The following KIAA1328 variants were observed in gnomAD, a reference collection of about 807,000 sequenced individuals.
The protein encoded by KIAA1328 is protein hinderin.
A neutral mutation model predicts 68.1 loss-of-function variants in KIAA1328; 52 were observed. That is an observed-to-expected ratio of 0.76 (90% CI 0.61 to 0.96). KIAA1328 has a LOEUF of 0.96. Ranked by LOEUF, KIAA1328 falls within the 40% of genes least tolerant of loss-of-function variation. The pLI is 0.00. For missense variants in KIAA1328, 641 were observed against 677.6 expected, an observed-to-expected ratio of 0.95 and a Z score of 0.60; for synonymous variants, 232 against 239.4, an observed-to-expected ratio of 0.97 and a Z score of 0.28.
At chr18:37,084,546 T>G (rs1286916659) in intron 7 of KIAA1328, 1 of 169,770 alleles carries the variant, frequency 5.9e-6, no homozygotes, top group East Asian at 1.5e-4. Flanking sequence ...ATACAGAATT[T>G]TATGTTACTT....
rs1312651019 is a variant in KIAA1328 at position 37,078,338 on chromosome 18, T to C, written c.1232+10793T>C. 1.3e-5 allele frequency among the ~76,000 whole-genome samples: 2 copies of C among 152,014 alleles called. 1 individual carries two copies. Among genetic ancestry groups the C allele is most frequent in the Non-Finnish European group, 2.9e-5 (2 of 67,952 alleles). On this transcript the variant is annotated intron_variant, in intron 7 of 9. Coordinates refer to ENST00000280020, the MANE Select transcript of KIAA1328 (RefSeq NM_020776.3). ...TATACAAAAATTAATTCAAGATGGATTAAAGACTTAAACGTTAGACCTAAA... is the reference window on the plus strand; with the variant it reads ...TATACAAAAATTAATTCAAGATGGACTAAAGACTTAAACGTTAGACCTAAA...
intron 5 of KIAA1328, among the ~76,000 whole-genome samples, chr18:36,946,668 T>C (rs1465752388): frequency 6.6e-6 from 1 of 152,204 alleles, no homozygotes; most frequent in African/African-American, 2.4e-5. Flanking sequence ...TTAATAATAG[T>C]ACATAATGGG....
intron 9 of KIAA1328, among the ~76,000 whole-genome samples, chr18:37,190,936 T>C (rs777936564): frequency 3.9e-5 from 6 of 152,222 alleles, no homozygotes; most frequent in Non-Finnish European, 8.8e-5. Context: ...CAAAGTGGGA[T>C]AGATAGTGAG....
At chr18:37,165,569 G>T (rs1375037497) in intron 8 of KIAA1328, among the ~76,000 whole-genome samples, 1 of 149,340 alleles carries the variant, frequency 6.7e-6, no homozygotes, top group Non-Finnish European at 1.5e-5. Flanking sequence ...ACAGGTGTGT[G>T]CCACCACACC....
At chr18:37,182,711 A>C (rs1301018329) in intron 9 of KIAA1328, among the ~76,000 whole-genome samples, 3 of 152,108 alleles carry the variant, frequency 2.0e-5, no homozygotes, top group Non-Finnish European at 4.4e-5. Context: ...TATATTTTTT[A>C]TATTGACCTT....
intron 7 of KIAA1328, among the ~76,000 whole-genome samples, chr18:37,106,964 C>G (rs1162286717): frequency 2.0e-5 from 3 of 152,156 alleles, no homozygotes; most frequent in Non-Finnish European, 4.4e-5. Flanking sequence ...GAATTCTTGG[C>G]CAGGTGCAGT....
At chr18:37,024,916 T>C (rs139755209) in intron 6 of KIAA1328, among the ~76,000 whole-genome samples, 4,811 of 152,244 alleles carry the variant, frequency 0.032, 271 homozygotes, top group African/African-American at 0.11. Flanking sequence ...CTGGGTCAAA[T>C]GGTATTCCTA....
chr18:36,900,820 C>T (rs2049012190), intron 5 of KIAA1328, among the ~76,000 whole-genome samples: 1 of 151,934 alleles, frequency 6.6e-6, no homozygotes, highest in South Asian at 2.1e-4. Context: ...ATCAGTAGGA[C>T]AGATGCTTGT....
At chr18:37,201,220 T>G (rs1213973372) in intron 9 of KIAA1328, among the ~76,000 whole-genome samples, 1 of 152,210 alleles carries the variant, frequency 6.6e-6, no homozygotes, top group African/African-American at 2.4e-5. Context: ...ATAACATTAG[T>G]AATTTGAATG....
At chr18:37,152,909 G>T (rs546176228) in intron 7 of KIAA1328, among the ~76,000 whole-genome samples, 4 of 152,204 alleles carry the variant, frequency 2.6e-5, no homozygotes, top group African/African-American at 9.6e-5. Flanking sequence ...GCTTGCACAG[G>T]TAAATGCTGG....
At chr18:37,200,903 C>T (rs1276900973) in intron 9 of KIAA1328, among the ~76,000 whole-genome samples, 2 of 151,686 alleles carry the variant, frequency 1.3e-5, no homozygotes, top group East Asian at 3.9e-4. Flanking sequence ...ACCCACAGTT[C>T]CCCCTTTTGA....
rs540998102 is a variant in KIAA1328, at chr18:37,083,221, G to A, written c.1232+15676G>A. ...CACTTTTCTCATAATTCCCTGATTTGGGCATTTTGCATCTACATTTACCTA... is the reference window on the plus strand; with the variant it reads ...CACTTTTCTCATAATTCCCTGATTTAGGCATTTTGCATCTACATTTACCTA... On this transcript the variant is annotated intron_variant, in intron 7 of 9. Transcript: ENST00000280020. Among the ~76,000 whole-genome samples, 5 of 152,124 alleles carry A rather than the reference G, an allele frequency of 3.3e-5. No homozygotes were observed. In the East Asian group the frequency reaches 7.7e-4, roughly 24 times the overall value.
At chr18:37,005,797 C>T (rs1414306706) in intron 6 of KIAA1328, among the ~76,000 whole-genome samples, 1 of 151,958 alleles carries the variant, frequency 6.6e-6, no homozygotes, top group African/African-American at 2.4e-5. Flanking sequence ...ATGTCATTTC[C>T]AGCAACATGG....
chr18:36,890,926 A>G (rs1317093155), intron 5 of KIAA1328, among the ~76,000 whole-genome samples: 2 of 152,204 alleles, frequency 1.3e-5, no homozygotes, highest in Non-Finnish European at 2.9e-5. Flanking sequence ...AATATGCAAA[A>G]TTAACTAATC....
At chr18:36,946,245 A>G (rs535367019) in intron 5 of KIAA1328, 3 of 152,230 alleles carry the variant, frequency 2.0e-5, no homozygotes, top group Non-Finnish European at 4.4e-5. Context: ...CAAAACAAAA[A>G]CAGTTGACCA....
chr18:37,108,129 C>G lies in KIAA1328; in HGVS notation c.1232+40584C>G, dbSNP rs182365485. On this transcript the variant is annotated intron_variant, in intron 7 of 9. Coordinates refer to ENST00000280020, the MANE Select transcript of KIAA1328 (RefSeq NM_020776.3). ...AAAGACATAGAATGAACCCAGGTACCTATCAGTGGTAGATTGGATAAAGAA... is the reference window on the plus strand; with the variant it reads ...AAAGACATAGAATGAACCCAGGTACGTATCAGTGGTAGATTGGATAAAGAA... Among the ~76,000 whole-genome samples, 256 of 152,254 alleles carry G rather than the reference C, an allele frequency of 1.7e-3. 1 individual carries two copies. The highest frequency in any genetic ancestry group is 5.1e-3 in the African/African-American group (213 of 41,566).
intron 7 of KIAA1328, among the ~76,000 whole-genome samples, chr18:37,072,129 T>A (rs575855513): frequency 1.3e-5 from 2 of 152,176 alleles, no homozygotes; most frequent in Non-Finnish European, 2.9e-5. Flanking sequence ...TCCTTTCTGA[T>A]GTTCCAAGAT....
intron 9 of KIAA1328, 141 bp downstream of exon 9, chr18:37,173,222 A>T: frequency 1.6e-6 from 1 of 610,872 alleles, no homozygotes; most frequent in Non-Finnish European, 2.7e-6. Context: ...AAGCATCTAG[A>T]TTTGGCCAGT....
At chr18:37,216,077 TG>T (rs2060425747) in intron 9 of KIAA1328, among the ~76,000 whole-genome samples, 2 of 152,234 alleles carry the variant, frequency 1.3e-5, no homozygotes, top group African/African-American at 2.4e-5. Flanking sequence ...CTATCAATTT[TG>T]TTTCTTTTCA....
Sources: gnomAD v4.1 joint callset for allele counts (sites outside exome capture counted in the v4.1 genomes callset) on GRCh38, gnomAD v4.1.1 for gene constraint, MANE v1.5 for transcripts, NCBI Gene and HGNC (gene_info 2026-07-23, HGNC 2026-07-21) for gene names.